Variants in VAMP7 observed in about 807,000 individuals in gnomAD.
The protein encoded by VAMP7 is vesicle-associated membrane protein 7.
Under a neutral mutation model 29.6 loss-of-function variants are expected in VAMP7, and 14 were observed. The observed-to-expected ratio is 0.47, with a 90% CI of 0.31 to 0.74. The LOEUF (loss-of-function observed/expected upper bound fraction) is 0.74. VAMP7 is among the 30% of genes least tolerant of loss of function. VAMP7 has a pLI of 0.05. For missense variants in VAMP7, 223 were observed against 262.4 expected (o/e 0.85, Z 1.04); for synonymous variants, 95 against 88.1 (o/e 1.08, Z -0.44).
At chrX:155,912,753 T>C (rs1000283310) in intron 5 of VAMP7, among the ~76,000 whole-genome samples, 1 of 152,184 alleles carries the variant, frequency 6.6e-6, no homozygotes, top group Admixed American at 6.5e-5. Context: ...CTTTATCCAG[T>C]CTATCATTGT....
At chrX:155,917,005 G>C (rs926792515) in intron 5 of VAMP7, among the ~76,000 whole-genome samples, 5 of 152,090 alleles carry the variant, frequency 3.3e-5, no homozygotes, top group Non-Finnish European at 7.4e-5. Context: ...ATCAAACATA[G>C]GTTTGGTCTT....
intron 5 of VAMP7, among the ~76,000 whole-genome samples, chrX:155,902,677 A>G (rs1347857044): frequency 1.3e-5 from 2 of 151,928 alleles, no homozygotes; most frequent in Non-Finnish European, 2.9e-5. Context: ...ACATTTATTG[A>G]TTTGCGTATA....
intron 6 of VAMP7, among the ~76,000 whole-genome samples, chrX:155,931,177 G>A (rs1340403519): frequency 1.3e-5 from 2 of 152,162 alleles, no homozygotes; most frequent in Non-Finnish European, 2.9e-5. Flanking sequence ...ACATACGTGT[G>A]CATGTGTCTT....
intron 7 of VAMP7, among the ~76,000 whole-genome samples, chrX:155,940,738 T>C (rs1478655848): frequency 6.6e-6 from 1 of 152,206 alleles, no homozygotes; most frequent in African/African-American, 2.4e-5. Context: ...TGACAAATAG[T>C]CAACTTTACA....
chrX:155,915,692 C>A (rs1382764907), intron 5 of VAMP7, among the ~76,000 whole-genome samples: 2 of 152,150 alleles, frequency 1.3e-5, no homozygotes, highest in Non-Finnish European at 2.9e-5. Context: ...GTTTCTTAAT[C>A]CTGAGTTCTA....
chrX:155,928,032 C>T (rs2066496414), intron 6 of VAMP7, among the ~76,000 whole-genome samples: 1 of 152,068 alleles, frequency 6.6e-6, no homozygotes, highest in African/African-American at 2.4e-5. Context: ...GATCCTCCTG[C>T]CTTGCCTCAG....
chrX:155,915,779 C>A (rs1052499439), intron 5 of VAMP7, among the ~76,000 whole-genome samples: 1 of 152,048 alleles, frequency 6.6e-6, no homozygotes, highest in African/African-American at 2.4e-5. Context: ...TGTTTTACTT[C>A]CAATTATGTG....
At position 155,914,123 on chromosome X, in the gene VAMP7, A is replaced by T. The variant is rs190001278; in HGVS notation, c.434-5690A>T. 9.2e-5 allele frequency among the ~76,000 whole-genome samples: 14 copies of T among 152,232 alleles called. No individual in the cohort carries two copies. The East Asian group carries it at 2.1e-3, about 23-fold the overall frequency. Reference sequence around the variant, plus strand: ...TAGGTATTTTATTCTCTTTGTAGCAATTGTGAATGGGAGTTCACTCATGAT... The same window carrying T: ...TAGGTATTTTATTCTCTTTGTAGCATTTGTGAATGGGAGTTCACTCATGAT... On this transcript the variant is annotated intron_variant, in intron 5 of 7. Transcript: ENST00000286448.
At chrX:155,917,423 G>T (rs2066329548) in intron 5 of VAMP7, among the ~76,000 whole-genome samples, 2 of 152,090 alleles carry the variant, frequency 1.3e-5, no homozygotes, top group Non-Finnish European at 2.9e-5. Flanking sequence ...TTTTGCACTG[G>T]TTTTTCCTCA....
Position 155,942,398 on chromosome X carries a change from CAA to C in VAMP7, c.*448_*449del. ...TTGAGAAGTTTTAGGTGCTTCAAAA[CAA>C]TATAAATGGATAATAGTTGTTATTT... On this transcript the variant is annotated 3_prime_UTR_variant, in exon 8 of 8. Transcript: ENST00000286448. 1 of 484,354 alleles carries C rather than the reference CAA, an allele frequency of 2.1e-6. No individual in the cohort carries two copies. The allele number at this position is 484,354 out of a possible 1,614,324, so 30.0% of individuals were successfully genotyped here.
At chrX:155,915,439 C>G (rs2066298049) in intron 5 of VAMP7, among the ~76,000 whole-genome samples, 3 of 152,128 alleles carry the variant, frequency 2.0e-5, no homozygotes, top group African/African-American at 4.8e-5. Context: ...TTCTCTAGTT[C>G]TTTTAATTGT....
chrX:155,892,670 C>T (rs1197796120), intron 2 of VAMP7, among the ~76,000 whole-genome samples: 9 of 152,068 alleles, frequency 5.9e-5, no homozygotes, highest in Admixed American at 5.2e-4. Flanking sequence ...GAGTCAGGCA[C>T]CGCAATCAGA....
chrX:155,940,596 A>G (rs1263759972), intron 7 of VAMP7, among the ~76,000 whole-genome samples: 2 of 152,190 alleles, frequency 1.3e-5, no homozygotes, highest in African/African-American at 4.8e-5. Flanking sequence ...CTGAATTGTT[A>G]AATTCAGAAT....
intron 5 of VAMP7, among the ~76,000 whole-genome samples, chrX:155,913,293 T>C (rs2066264427): frequency 6.6e-6 from 1 of 152,194 alleles, no homozygotes; most frequent in Non-Finnish European, 1.5e-5. Flanking sequence ...GATGGATAGA[T>C]TGCAAAAATT....
At chrX:155,906,064 C>T (rs1300087819) in intron 5 of VAMP7, among the ~76,000 whole-genome samples, 1 of 151,954 alleles carries the variant, frequency 6.6e-6, no homozygotes, top group Non-Finnish European at 1.5e-5. Flanking sequence ...TTTTTTCCAA[C>T]AATGTTTTGT....
intron 7 of VAMP7, among the ~76,000 whole-genome samples, chrX:155,941,020 G>A (rs1168757090): frequency 6.6e-6 from 1 of 152,046 alleles, no homozygotes; most frequent in Non-Finnish European, 1.5e-5. Context: ...GTAATTTAAA[G>A]CAAAATAAAG....
At chrX:155,910,350 C>T (rs2066218931) in intron 5 of VAMP7, among the ~76,000 whole-genome samples, 1 of 152,174 alleles carries the variant, frequency 6.6e-6, no homozygotes, top group South Asian at 2.1e-4. Flanking sequence ...TTTATCCATT[C>T]ATCCATTCAT....
chrX:155,901,359 C>CT (rs927552713), intron 5 of VAMP7, among the ~76,000 whole-genome samples: 68 of 142,916 alleles, frequency 4.8e-4, no homozygotes, highest in Admixed American at 2.7e-4. Flanking sequence ...TATTTTTATT[C>CT]TTTTTTTTGT....
chrX:155,888,941 A>G (rs2065896386), intron 1 of VAMP7, among the ~76,000 whole-genome samples: 3 of 152,180 alleles, frequency 2.0e-5, no homozygotes, highest in Admixed American at 2.0e-4. Context: ...TGAGGATTAA[A>G]TGGATTAATA....
Sources: gnomAD v4.1 joint callset for allele counts (sites outside exome capture counted in the v4.1 genomes callset) on GRCh38, gnomAD v4.1.1 for gene constraint, MANE v1.5 for transcripts, NCBI Gene and HGNC (gene_info 2026-07-23, HGNC 2026-07-21) for gene names.